The following SPECC1L variants were observed in gnomAD, a reference collection of about 807,000 sequenced individuals.
SPECC1L encodes the protein cytospin-A.
Under a neutral mutation model 116.8 loss-of-function variants are expected in SPECC1L, and 40 were observed. The observed-to-expected ratio is 0.34, with a 90% CI of 0.27 to 0.45. The LOEUF is 0.45. Among genes scored for constraint, SPECC1L ranks in the 20% least tolerant of loss-of-function variants. SPECC1L has a pLI of 1.00. For missense variants in SPECC1L, 1,110 were observed against 1,373.6 expected, an observed-to-expected ratio of 0.81 and a Z score of 3.03; for synonymous variants, 504 against 500.6, an observed-to-expected ratio of 1.01 and a Z score of -0.09.
chr22:24,308,312 A>G (rs2049542260), intron 3 of SPECC1L, among the ~76,000 whole-genome samples: 1 of 152,206 alleles, frequency 6.6e-6, no homozygotes, highest in African/African-American at 2.4e-5. Flanking sequence ...AGGATTATGT[A>G]TTGCATTTAG....
Position 24,322,104 on chromosome 22 carries a change from C to T in SPECC1L, c.1124C>T (p.Pro375Leu), listed in dbSNP as rs1240164732. Residue 375 changes from proline (P) to leucine (L), a missense_variant, in exon 5 of 17, where the codon CCC (proline) becomes CTC (leucine). Around this residue, in one of 4 missense-constraint regions of SPECC1L, gnomAD observed 437 missense variants for 482.6 expected, o/e 0.91. Transcript: ENST00000314328. ...APSSSESEGI[P>L]SIERSRKGSS... is the part of the protein sequence containing the mutation. Reference sequence around the variant, plus strand: ...TCCTCCTCAGAGTCGGAAGGCATCCCCAGCATAGAGCGCTCCCGGAAGGGG... The same window carrying T: ...TCCTCCTCAGAGTCGGAAGGCATCCTCAGCATAGAGCGCTCCCGGAAGGGG... 1 of 1,614,062 alleles carries T rather than the reference C, an allele frequency of 6.2e-7. No individual in the cohort carries two copies. The highest frequency in any genetic ancestry group is 1.1e-5 in the South Asian group (1 of 91,070).
At position 24,334,614 on chromosome 22, in the gene SPECC1L, G is replaced by A. The variant is rs113633093; in HGVS notation, c.2560+41G>A. Reference sequence around the variant, plus strand: ...TACATTGTGCCTACTGCATGCGGTTGTGTTCACTTACCTTATATTCTCTGG... The same window carrying A: ...TACATTGTGCCTACTGCATGCGGTTATGTTCACTTACCTTATATTCTCTGG... On this transcript the variant is annotated intron_variant, in intron 9 of 16. Coordinates refer to ENST00000314328, the MANE Select transcript of SPECC1L (RefSeq NM_015330.6). The A allele has an allele frequency of 3.2e-5, 51 of 1,606,186 alleles. No individual in the cohort carries two copies. The African/African-American group carries it at 6.0e-4, about 19-fold the overall frequency.
intron 3 of SPECC1L, among the ~76,000 whole-genome samples, chr22:24,307,773 A>C (rs2049530387): frequency 6.6e-6 from 1 of 151,588 alleles, no homozygotes; most frequent in African/African-American, 2.4e-5. Context: ...TCCTGATTGC[A>C]GGAGATCCTT....
intron 4 of SPECC1L, among the ~76,000 whole-genome samples, chr22:24,315,942 A>G (rs902294139): frequency 6.6e-6 from 1 of 152,294 alleles, no homozygotes; most frequent in South Asian, 2.1e-4. Flanking sequence ...GTCATGTTGG[A>G]TTAGGGCCCA....
intron 2 of SPECC1L, among the ~76,000 whole-genome samples, chr22:24,288,615 CT>C (rs756714389): frequency 0.01 from 617 of 61,660 alleles, 3 homozygotes; most frequent in Middle Eastern, 0.038. Context: ...AAATTTTAAG[CT>C]TTTTTTTTTT....
Position 24,287,795 on chromosome 22 carries a change from A to G in SPECC1L, c.-38+10992A>G, listed in dbSNP as rs113527082. On this transcript the variant is annotated intron_variant, in intron 2 of 16. Coordinates refer to ENST00000314328, the MANE Select transcript of SPECC1L (RefSeq NM_015330.6). ...ACTGAATGAGTGTGGAATCCCTAGG[A>G]CCCCGCTGGAATATAATGGGCCCTC... Among the ~76,000 whole-genome samples, 1,573 of 151,976 alleles carry G rather than the reference A, an allele frequency of 0.01. 73 individuals carry two copies. In the South Asian group the frequency reaches 0.12, roughly 11 times the overall value.
intron 10 of SPECC1L, among the ~76,000 whole-genome samples, chr22:24,341,130 A>G (rs1293473767): frequency 6.6e-6 from 1 of 152,088 alleles, no homozygotes; most frequent in Non-Finnish European, 1.5e-5. Context: ...AGTAGACACA[A>G]ATCAACATTC....
Position 24,405,209 on chromosome 22 carries a change from C to T in SPECC1L, c.3088-6379C>T, listed in dbSNP as rs550893196. On this transcript the variant is annotated intron_variant, in intron 14 of 16. Coordinates refer to ENST00000314328, the MANE Select transcript of SPECC1L (RefSeq NM_015330.6). ...TGTTTTGAGTGAGAACTTCCAGCAG[C>T]TGGGATTTCGAGCTAGTTTGTTATC... Among the ~76,000 whole-genome samples, 58 of 152,300 alleles carry T rather than the reference C, an allele frequency of 3.8e-4. 3 individuals are homozygous for T. The South Asian group carries it at 0.012, about 30-fold the overall frequency.
At chr22:24,293,803 T>G (rs879977349) in intron 2 of SPECC1L, among the ~76,000 whole-genome samples, 3 of 124,314 alleles carry the variant, frequency 2.4e-5, no homozygotes, top group Admixed American at 8.8e-5. Context: ...ATTTAGGGAA[T>G]CGCCATGGTG....
chr22:24,272,398 C>G (rs1391667766), intron 1 of SPECC1L, among the ~76,000 whole-genome samples: 1 of 151,698 alleles, frequency 6.6e-6, no homozygotes, highest in African/African-American at 2.4e-5. Flanking sequence ...CAAGGCCGAG[C>G]TCCCTGGCTC....
intron 14 of SPECC1L, among the ~76,000 whole-genome samples, chr22:24,386,736 T>C (rs960566854): frequency 2.0e-5 from 3 of 152,198 alleles, no homozygotes; most frequent in Non-Finnish European, 4.4e-5. Flanking sequence ...CCCAAGTAGC[T>C]GGGACTACAG....
intron 16 of SPECC1L, 44 bp downstream of exon 16, chr22:24,412,751 G>A (rs2042724298): frequency 4.4e-6 from 7 of 1,600,836 alleles, no homozygotes; most frequent in Middle Eastern, 3.5e-4. Context: ...CCCTCCTTCT[G>A]GTTAAGAAGA....
In SPECC1L at chr22:24,317,141, CCCCTACCTCCCT is replaced by C. The variant is rs1386987116; in HGVS notation, c.307+3679_307+3690del. Among the ~76,000 whole-genome samples, 24 of 107,024 alleles carry C rather than the reference CCCCTACCTCCCT, an allele frequency of 2.2e-4. 1 individual carries two copies. The highest frequency in any genetic ancestry group is 7.3e-4 in the African/African-American group (21 of 28,626). The allele number at this position is 107,024 out of a possible 152,430, so 70.2% of individuals were successfully genotyped here. On this transcript the variant is annotated intron_variant, in intron 4 of 16. Transcript: ENST00000314328. ...CGGCTGGCTGGGCGGGGGGCTGACC[CCCCTACCTCCCT>C]CCCGGACGGGGCGGCTGGCTGGGCA... is the stretch of plus-strand genomic sequence containing the variant.
chr22:24,374,870 T>C (rs955041756), intron 14 of SPECC1L, among the ~76,000 whole-genome samples: 1 of 143,740 alleles, frequency 7.0e-6, no homozygotes, highest in African/African-American at 2.6e-5. Flanking sequence ...AAATAGAAAA[T>C]AGAAAAACAA....
At chr22:24,372,717 G>A (rs534646337) in intron 14 of SPECC1L, among the ~76,000 whole-genome samples, 1 of 151,214 alleles carries the variant, frequency 6.6e-6, no homozygotes, top group South Asian at 2.1e-4. Context: ...ACTGGCACAA[G>A]ACAGGGATGC....
At position 24,321,981 on chromosome 22, in the gene SPECC1L, T is replaced by C; in HGVS notation, c.1001T>C (p.Met334Thr). The C allele has an allele frequency of 6.2e-7, 1 of 1,614,186 alleles. No individual in the cohort carries two copies. Among genetic ancestry groups the C allele is most frequent in the Non-Finnish European group, 8.5e-7 (1 of 1,180,036 alleles). Residue 334 changes from methionine to threonine, a missense_variant, in exon 5 of 17, where the codon ATG becomes ACG. Transcript: ENST00000314328. ...TTGAGTCAGGATGAAAATACACTAATGGACCATCAGCACAGTAACTCCATG... is the reference window on the plus strand; with the variant it reads ...TTGAGTCAGGATGAAAATACACTAACGGACCATCAGCACAGTAACTCCATG... Reference protein sequence around the residue: ...DLLSQDENTLMDHQHSNSMDN... With the variant: ...DLLSQDENTLTDHQHSNSMDN...
chr22:24,323,645 C>A (rs1368792632), intron 5 of SPECC1L, among the ~76,000 whole-genome samples: 1 of 152,078 alleles, frequency 6.6e-6, no homozygotes. Flanking sequence ...TATTTTAGTG[C>A]AATGATTTTA....
At chr22:24,393,443 C>G (rs2042308962) in intron 14 of SPECC1L, among the ~76,000 whole-genome samples, 1 of 152,074 alleles carries the variant, frequency 6.6e-6, no homozygotes, top group Admixed American at 6.5e-5. Context: ...TAGCTTATAC[C>G]CTGGAACACA....
At chr22:24,354,077 G>A (rs1413414324) in intron 11 of SPECC1L, among the ~76,000 whole-genome samples, 1 of 152,150 alleles carries the variant, frequency 6.6e-6, no homozygotes, top group Non-Finnish European at 1.5e-5. Flanking sequence ...GAAAGGGGGA[G>A]CATGAGAGAG....
Sources: gnomAD v4.1 joint callset for allele counts (sites outside exome capture counted in the v4.1 genomes callset) on GRCh38, gnomAD v4.1.1 for gene constraint, gnomAD v4.1.1 regional missense constraint, MANE v1.5 for transcripts, NCBI Gene and HGNC (gene_info 2026-07-23, HGNC 2026-07-21) for gene names.